The following EVC variants were observed in gnomAD, a reference collection of about 807,000 sequenced individuals.
EVC encodes EvC ciliary complex subunit 1.
A neutral mutation model predicts 118.9 loss-of-function variants in EVC; 116 were observed. That is an observed-to-expected ratio of 0.98 (90% CI 0.84 to 1.14). The LOEUF is 1.14. EVC is among the 50% of genes most tolerant of loss of function. The probability of loss-of-function intolerance (pLI) is 0.00; values close to 1 mark genes in which losing one functional copy is unlikely to be tolerated. For missense variants in EVC, 1,401 were observed against 1,246.4 expected (o/e 1.12, Z -1.87); for synonymous variants, 619 against 534.7 (o/e 1.16, Z -2.18).
intron 11 of EVC, among the ~76,000 whole-genome samples, chr4:5,782,519 G>A (rs1402290301): frequency 3.3e-5 from 3 of 91,694 alleles, no homozygotes; most frequent in South Asian, 4.6e-4. Context: ...TCAGCCTCCC[G>A]CTTCCATGTT....
rs188107064 is a variant in EVC at position 5,799,930 on chromosome 4, T to C, written c.2304+1138T>C. On this transcript the variant is annotated intron_variant, in intron 15 of 20. Coordinates refer to ENST00000264956, the MANE Select transcript of EVC (RefSeq NM_153717.3). Reference sequence around the variant, plus strand: ...CCACATGTTACCTAACAGTAAATGCTCGCTGCATGAAAATGGAGTAAGATA... The same window carrying C: ...CCACATGTTACCTAACAGTAAATGCCCGCTGCATGAAAATGGAGTAAGATA... Among the ~76,000 whole-genome samples the C allele has an allele frequency of 3.2e-3, 491 of 152,352 alleles. 4 individuals are homozygous for C. The highest frequency in any genetic ancestry group is 2.9e-3 in the South Asian group (14 of 4,830).
intron 11 of EVC, among the ~76,000 whole-genome samples, chr4:5,757,703 A>T (rs1433205986): frequency 6.6e-6 from 1 of 152,122 alleles, no homozygotes; most frequent in Non-Finnish European, 1.5e-5. Context: ...TCTTATAAGG[A>T]CACCAGTTCT....
intron 8 of EVC, among the ~76,000 whole-genome samples, chr4:5,750,966 A>T (rs1730260582): frequency 1.3e-5 from 2 of 152,170 alleles, no homozygotes; most frequent in African/African-American, 4.8e-5. Flanking sequence ...TTTGGAGCTG[A>T]AATGTGCATC....
intron 1 of EVC, among the ~76,000 whole-genome samples, chr4:5,718,310 T>G (rs529297584): frequency 6.6e-6 from 1 of 152,292 alleles, no homozygotes; most frequent in East Asian, 1.9e-4. Context: ...TAAAGATATC[T>G]TATTTAATAG....
chr4:5,727,530 C>G (rs2151907153), intron 2 of EVC, among the ~76,000 whole-genome samples: 1 of 152,200 alleles, frequency 6.6e-6, no homozygotes, highest in Non-Finnish European at 1.5e-5. Context: ...GTTGCCTGTT[C>G]ACTCTGATGG....
Position 5,749,202 on chromosome 4 carries a change from A to AAG in EVC, c.1098+896_1098+897insAG, listed in dbSNP as rs1320245283. On this transcript the variant is annotated intron_variant, in intron 8 of 20. Transcript: ENST00000264956. This position sits in a 1 kb window ranked among gnomAD's most constrained non-coding sequence, Gnocchi z 4.4. The stretch of plus-strand genomic sequence containing the variant: ...TGTGGGTTTTAAAACTCCCTGAACT[A>AAG]TTCTGACGGGAGGCCAGGGATACAA... Among the ~76,000 whole-genome samples, 2 of 152,096 alleles carry AAG rather than the reference A, an allele frequency of 1.3e-5. No individual in the cohort carries two copies. The highest frequency in any genetic ancestry group is 2.4e-5 in the African/African-American group (1 of 41,414).
rs1730023291 is a variant in EVC, at chr4:5,749,478, CTGT to C, written c.1098+1177_1098+1179del. ...GCGAATCCAGCTTTGACTCTGGGCT[CTGT>C]TGTTTGGAGCTGTGTGATCTTGAAC... On this transcript the variant is annotated intron_variant, in intron 8 of 20. Transcript: ENST00000264956. This position sits in a 1 kb window ranked among gnomAD's most constrained non-coding sequence, Gnocchi z 4.4. Among the ~76,000 whole-genome samples, 1 of 152,158 alleles carries C rather than the reference CTGT, an allele frequency of 6.6e-6. No homozygotes were observed. Among genetic ancestry groups the C allele is most frequent in the Non-Finnish European group, 1.5e-5 (1 of 68,022 alleles).
Position 5,798,614 on chromosome 4 carries a change from G to C in EVC, c.2126G>C (p.Arg709Pro), listed in dbSNP as rs752020764. Residue 709 changes from arginine to proline, a missense_variant, in exon 15 of 21, where the codon CGG (arginine) becomes CCG (proline). Arg to Pro is a moderately radical substitution (Grantham distance 103). Transcript: ENST00000264956. The surrounding 1 kb of genome is among the most constrained non-coding windows in gnomAD (Gnocchi z 4.1). ...GCGCGTGTGCTGGAGGAGGCCAGCC[G>C]GCTAGAGGAGGAAGCACAGCAGACA... is the stretch of plus-strand genomic sequence containing the variant. Reference protein sequence around the residue: ...LEARVLEEASRLEEEAQQTRL... With the variant: ...LEARVLEEASPLEEEAQQTRL... 1 of 1,579,982 alleles carries C rather than the reference G, an allele frequency of 6.3e-7. No homozygotes were observed. Among genetic ancestry groups the C allele is most frequent in the Non-Finnish European group, 8.6e-7 (1 of 1,164,296 alleles).
chr4:5,711,606 T>G, intron 1 of EVC, 52 bp downstream of exon 1: 1 of 1,142,672 alleles, frequency 8.8e-7, no homozygotes, highest in Non-Finnish European at 1.1e-6. Context: ...GGCGCGTGGC[T>G]TCTGGGTCCT....
chr4:5,714,969 T>G (rs1723704693), intron 1 of EVC, among the ~76,000 whole-genome samples: 1 of 25,036 alleles, frequency 4.0e-5, no homozygotes, highest in South Asian at 1.3e-3. Flanking sequence ...CATGCCTGGC[T>G]AATTTTTTTT....
At chr4:5,788,660 G>A (rs575605126) in intron 12 of EVC, among the ~76,000 whole-genome samples, 1 of 152,188 alleles carries the variant, frequency 6.6e-6, no homozygotes, top group Non-Finnish European at 1.5e-5. Flanking sequence ...AAATCCCATT[G>A]ATTTTGCCTT....
rs767660467 is a variant in EVC at position 5,753,760 on chromosome 4, A to G, written c.1316-25A>G. ...ATTCTGGCTCACAGAGTCACCTCCTATGCTGTGGCTTTTTTCAATCCCAGA... is the reference window on the plus strand; with the variant it reads ...ATTCTGGCTCACAGAGTCACCTCCTGTGCTGTGGCTTTTTTCAATCCCAGA... On this transcript the variant is annotated intron_variant, in intron 9 of 20. Coordinates refer to ENST00000264956, the MANE Select transcript of EVC (RefSeq NM_153717.3). 5.0e-6 allele frequency: 8 copies of G among 1,613,984 alleles called. No individual in the cohort carries two copies. The East Asian group carries it at 1.3e-4, about 27-fold the overall frequency.
chr4:5,748,627 TCCATCTGCCCTCCCAC>T (rs1729801451), intron 8 of EVC, among the ~76,000 whole-genome samples: 2 of 117,764 alleles, frequency 1.7e-5, no homozygotes, highest in African/African-American at 3.4e-5. Flanking sequence ...CACCCATCCA[TCCATCTGCCCTCCCAC>T]CCATTTATCC....
At position 5,805,515 on chromosome 4, in the gene EVC, C is replaced by T. The variant is rs79345177; in HGVS notation, c.2561+674C>T. ...AACTTTCCAGGCTCCCAGCAAACTA[C>T]AGTCTGGCAAGTCCTCAGATGTGGG... On this transcript the variant is annotated intron_variant, in intron 17 of 20. Transcript: ENST00000264956. 1.1e-4 allele frequency among the ~76,000 whole-genome samples: 17 copies of T among 152,338 alleles called. No homozygotes were observed. In the East Asian group the frequency reaches 2.7e-3, roughly 24 times the overall value.
intron 2 of EVC, among the ~76,000 whole-genome samples, chr4:5,721,053 G>C (rs1170289610): frequency 1.3e-5 from 2 of 152,008 alleles, no homozygotes; most frequent in African/African-American, 4.8e-5. Context: ...CTTTCTGTGT[G>C]CATCTTTGTG....
At chr4:5,824,818 C>T in the EVC span, 2 of 985,394 alleles carry the variant, frequency 2.0e-6, no homozygotes, top group Non-Finnish European at 2.4e-6. Context: ...AATTCCAGTT[C>T]AACTTTCTCA....
intron 16 of EVC, among the ~76,000 whole-genome samples, chr4:5,802,679 G>A (rs1030406795): frequency 3.9e-5 from 6 of 152,128 alleles, no homozygotes; most frequent in Admixed American, 6.6e-5. Flanking sequence ...TAGATCCCTC[G>A]CATGTGCAGT....
rs1437174284 is a variant in EVC at position 5,731,431 on chromosome 4, GC to G, written c.393del (p.Asp132MetfsTer12). 1.1e-5 allele frequency: 18 copies of G among 1,613,284 alleles called. No homozygotes were observed. The highest frequency in any genetic ancestry group is 1.5e-5 in the Non-Finnish European group (18 of 1,179,860). On this transcript the variant is annotated frameshift_variant, in exon 4 of 21. Coordinates refer to ENST00000264956, the MANE Select transcript of EVC (RefSeq NM_153717.3). LOFTEE classifies it high-confidence loss of function. The surrounding 1 kb of genome is among the most constrained non-coding windows in gnomAD (Gnocchi z 5.6). ...YPINQKFRPL[A>X]DGSSNPSLHE... ...ACTCCTACTGCCACCCCAGCCTCTG[GC>G]CGATGGCTCCTCCAACCCGTCTCTG...
chr4:5,766,472 T>C (rs1732883043), intron 11 of EVC, among the ~76,000 whole-genome samples: 1 of 129,300 alleles, frequency 7.7e-6, no homozygotes, highest in Admixed American at 8.1e-5. Context: ...TTGGGGAAGT[T>C]CTCCTGGATA....
Sources: allele counts gnomAD v4.1 joint callset (sites outside exome capture counted in the v4.1 genomes callset), GRCh38; gene constraint gnomAD v4.1.1; non-coding constraint Gnocchi (gnomAD v3.1); transcripts MANE v1.5; gene names NCBI Gene and HGNC (gene_info 2026-07-23, HGNC 2026-07-21).